The following NIPA2 variants were observed in gnomAD, a reference collection of about 807,000 sequenced individuals.
NIPA2 encodes the protein NIPA magnesium transporter 2, also known as magnesium transporter NIPA2.
In NIPA2, 11 loss-of-function variants were observed where a neutral mutation model predicts 29.7. The observed-to-expected ratio is 0.37, with a 90% CI of 0.23 to 0.61. The LOEUF is 0.61. Ranked by LOEUF, NIPA2 falls within the 20% of genes least tolerant of loss-of-function variation. The pLI, the probability that NIPA2 is intolerant of heterozygous loss-of-function variation, is 0.66. For synonymous variants in NIPA2, 183 were observed against 161.9 expected (o/e 1.13, Z -0.99); for missense variants, 426 against 437.9 (o/e 0.97, Z 0.24).
chr15:22,846,835 A>ATAAT (rs1898823845), intron 3 of NIPA2, among the ~76,000 whole-genome samples: 1 of 133,108 alleles, frequency 7.5e-6, no homozygotes, highest in Non-Finnish European at 1.6e-5. Context: ...AATAATAATA[A>ATAAT]TAATAATTAT....
intron 5 of NIPA2, among the ~76,000 whole-genome samples, chr15:22,855,287 C>T (rs1325170744): frequency 6.6e-6 from 1 of 151,620 alleles, no homozygotes; most frequent in African/African-American, 2.4e-5. Context: ...CATGGTGGTG[C>T]ATGCCTGTAA....
intron 7 of NIPA2, among the ~76,000 whole-genome samples, chr15:22,864,216 C>T (rs1452191231): frequency 2.0e-5 from 3 of 151,928 alleles, no homozygotes; most frequent in Admixed American, 2.0e-4. Context: ...AGTGCAGTGG[C>T]GTGATCTTGG....
chr15:22,858,370 G>A (rs1483282675), intron 5 of NIPA2, among the ~76,000 whole-genome samples, 170 bp from the exon 6 acceptor site: 3 of 152,116 alleles, frequency 2.0e-5, no homozygotes, highest in African/African-American at 7.2e-5. Context: ...CTGCAGCCTG[G>A]GCGACAGAGT....
intron 7 of NIPA2, 37 bp downstream of exon 7, chr15:22,860,826 C>T (rs1411833541): frequency 1.3e-6 from 2 of 1,494,846 alleles, no homozygotes; most frequent in Non-Finnish European, 1.8e-6. Flanking sequence ...CTGTATTTTA[C>T]TTTTTAACTT....
At chr15:22,859,388 G>A (rs1280924151) in intron 6 of NIPA2, among the ~76,000 whole-genome samples, 1 of 149,188 alleles carries the variant, frequency 6.7e-6, no homozygotes, top group Non-Finnish European at 1.5e-5. Flanking sequence ...CACCTCCCGG[G>A]TTCACACCAT....
intron 7 of NIPA2, among the ~76,000 whole-genome samples, chr15:22,862,744 A>T (rs2058708269): frequency 6.6e-6 from 1 of 152,102 alleles, no homozygotes; most frequent in South Asian, 2.1e-4. Context: ...GTAGGATATT[A>T]GAAGGTGTAG....
chr15:22,866,019 C>T lies in NIPA2; in HGVS notation c.449-194C>T, dbSNP rs73418447. Among the ~76,000 whole-genome samples, 10,531 of 152,050 alleles carry T rather than the reference C, an allele frequency of 0.069. 556 individuals are homozygous for T. Among genetic ancestry groups the T allele is most frequent in the East Asian group, 0.23 (1,200 of 5,160 alleles). On this transcript the variant is annotated intron_variant, in intron 7 of 7. Transcript: ENST00000337451. The stretch of plus-strand genomic sequence containing the variant: ...TATAACAATTTGTGAATATGAAGCT[C>T]GCATTAATCTTCCAGTGTGTCCATC...
In NIPA2 at chr15:22,842,587, G is replaced by C. The variant is rs983929310; in HGVS notation, c.-215-2559G>C. ...CTCACGCCTGTAATCCCAGCACTTT[G>C]GGAGGCCGAGGCAGAAGGATCACCC... On this transcript the variant is annotated intron_variant, in intron 2 of 7. Coordinates refer to ENST00000337451, the MANE Select transcript of NIPA2 (RefSeq NM_030922.7). 2.0e-5 allele frequency among the ~76,000 whole-genome samples: 3 copies of C among 151,684 alleles called. No homozygotes were observed. In the East Asian group the frequency reaches 5.8e-4, roughly 29 times the overall value.
chr15:22,840,599 C>G (rs1004243467), intron 2 of NIPA2, among the ~76,000 whole-genome samples: 1 of 152,160 alleles, frequency 6.6e-6, no homozygotes, highest in African/African-American at 2.4e-5. Flanking sequence ...CGCGCCCGAC[C>G]TAAGAGCTCT....
intron 2 of NIPA2, among the ~76,000 whole-genome samples, chr15:22,844,553 CA>C (rs5811283): frequency 0.43 from 62,524 of 144,312 alleles, 15,885 homozygotes; most frequent in African/African-American, 0.71. Flanking sequence ...GACTGTGACT[CA>C]AAAAAAAAAA....
rs753912421 is a variant in NIPA2 at position 22,851,850 on chromosome 15, G to A, written c.119G>A (p.Arg40Lys). 1 of 1,613,704 alleles carries A rather than the reference G, an allele frequency of 6.2e-7. No individual in the cohort carries two copies. The highest frequency in any genetic ancestry group is 8.5e-7 in the Non-Finnish European group (1 of 1,179,808). The change falls in exon 4 of 8, where the codon AGG (arginine) becomes AAG (lysine). Residue 40 changes from arginine to lysine, a missense_variant. Physicochemically the swap from Arg to Lys is conservative, Grantham distance 26. Coordinates refer to ENST00000337451, the MANE Select transcript of NIPA2 (RefSeq NM_030922.7). ...AAAAAGGGCCTCCTTCGACTTGCCAGGAAAGGCTCTATGAGAGCAGGTAGG... is the reference window on the plus strand; with the variant it reads ...AAAAAGGGCCTCCTTCGACTTGCCAAGAAAGGCTCTATGAGAGCAGGTAGG... ...LKKKGLLRLA[R>K]KGSMRAGQGG...
chr15:22,846,992 C>T (rs1898920280), intron 3 of NIPA2, among the ~76,000 whole-genome samples: 1 of 151,298 alleles, frequency 6.6e-6, no homozygotes, highest in South Asian at 2.1e-4. Context: ...CAACCTCTGC[C>T]TCCCGGGTTC....
rs1452644119 is a variant in NIPA2 at position 22,867,461 on chromosome 15, C to G, written c.*614C>G. 1 of 343,560 alleles carries G rather than the reference C, an allele frequency of 2.9e-6. No homozygotes were observed. Among genetic ancestry groups the G allele is most frequent in the Non-Finnish European group, 5.2e-6 (1 of 193,040 alleles). The allele number at this position is 343,560 out of a possible 1,614,324, so 21.3% of individuals were successfully genotyped here. A position where few individuals can be genotyped will look rare whatever the true frequency, so the allele number is the denominator to read the frequency against. On this transcript the variant is annotated 3_prime_UTR_variant, in exon 8 of 8. Transcript: ENST00000337451. ...AGATGATCACCGTGAATCCGGCTTC[C>G]TCTGAGCATTCGATGGCCTTAGCAC...
chr15:22,851,661 C>T lies in NIPA2; in HGVS notation c.-71C>T. 7.7e-7 allele frequency: 1 copy of T among 1,300,126 alleles called. No homozygotes were observed. The highest frequency in any genetic ancestry group is 1.1e-6 in the Non-Finnish European group (1 of 935,630). The allele number at this position is 1,300,126 out of a possible 1,614,324, so 80.5% of individuals were successfully genotyped here. On this transcript the variant is annotated 5_prime_UTR_variant, in exon 4 of 8. Transcript: ENST00000337451. ...TAGGTTTGAAGACTGCTTCATTCTG[C>T]CTCTAGTACCAGCGGTTTCTCTGTT... is the stretch of plus-strand genomic sequence containing the variant.
chr15:22,865,028 AT>A (rs1429884974), intron 7 of NIPA2, among the ~76,000 whole-genome samples: 5 of 151,646 alleles, frequency 3.3e-5, no homozygotes, highest in African/African-American at 9.7e-5. Flanking sequence ...CGCCTGGCTA[AT>A]TTTTGTATTT....
intron 3 of NIPA2, among the ~76,000 whole-genome samples, chr15:22,847,305 C>T (rs996928756): frequency 6.6e-6 from 1 of 152,072 alleles, no homozygotes; most frequent in Non-Finnish European, 1.5e-5. Context: ...TTATTGCTTA[C>T]AGAATATTCA....
chr15:22,854,664 T>G (rs1369183852), intron 5 of NIPA2, among the ~76,000 whole-genome samples: 1 of 151,856 alleles, frequency 6.6e-6, no homozygotes, highest in African/African-American at 2.4e-5. Flanking sequence ...GAGAATCGCT[T>G]GAAACTGGGA....
chr15:22,842,324 T>A (rs1344583513), intron 2 of NIPA2, among the ~76,000 whole-genome samples: 34 of 151,952 alleles, frequency 2.2e-4, no homozygotes, highest in Admixed American at 2.2e-3. Flanking sequence ...GGAGGAAAGG[T>A]AGGAGCAGGT....
chr15:22,845,698 G>A (rs1270209615), intron 3 of NIPA2, among the ~76,000 whole-genome samples: 2 of 152,020 alleles, frequency 1.3e-5, no homozygotes, highest in Admixed American at 1.3e-4. Context: ...GGAGGAGGAG[G>A]GGAGGGCCTG....
Sources: allele counts gnomAD v4.1 joint callset (sites outside exome capture counted in the v4.1 genomes callset), GRCh38; gene constraint gnomAD v4.1.1; transcripts MANE v1.5; gene names NCBI Gene and HGNC (gene_info 2026-07-23, HGNC 2026-07-21).